The following TSC22D1 variants were observed in gnomAD, a reference collection of about 807,000 sequenced individuals.
TSC22D1 encodes TSC22 domain family protein 1.
In TSC22D1, 9 loss-of-function variants were observed where a neutral mutation model predicts 74.2. The ratio of observed to expected loss-of-function variants is 0.12; its 90% CI spans 0.07 to 0.21. TSC22D1 has a LOEUF of 0.21. Ranked by LOEUF, TSC22D1 falls within the 10% of genes least tolerant of loss-of-function variation. TSC22D1 has a pLI of 1.00. For missense variants in TSC22D1, 1,427 were observed against 1,304.7 expected, an observed-to-expected ratio of 1.09 and a Z score of -1.44; for synonymous variants, 586 against 492.5, an observed-to-expected ratio of 1.19 and a Z score of -2.51.
intron 1 of TSC22D1, among the ~76,000 whole-genome samples, chr13:44,531,201 T>G (rs1395335131): frequency 6.6e-6 from 1 of 152,100 alleles, no homozygotes; most frequent in East Asian, 1.9e-4. Flanking sequence ...CAGGAAACTG[T>G]GGGAGGGAGG....
intron 1 of TSC22D1, among the ~76,000 whole-genome samples, chr13:44,443,319 A>C (rs1163725023): frequency 6.6e-6 from 1 of 152,070 alleles, no homozygotes; most frequent in South Asian, 2.1e-4. Flanking sequence ...GAAAAAAAAA[A>C]ACCTGTCAAT....
chr13:44,468,744 A>G (rs1204022522), intron 1 of TSC22D1, among the ~76,000 whole-genome samples: 1 of 150,086 alleles, frequency 6.7e-6, no homozygotes, highest in African/African-American at 2.4e-5. Flanking sequence ...ACTGGTCTTT[A>G]TATCAAGAAA....
At chr13:44,519,034 G>T (rs1880181897) in intron 1 of TSC22D1, among the ~76,000 whole-genome samples, 1 of 152,138 alleles carries the variant, frequency 6.6e-6, no homozygotes, top group Non-Finnish European at 1.5e-5. Flanking sequence ...TTTTCTTAAG[G>T]TGTTAGAATC....
At chr13:44,555,067 C>T (rs1882539496) in intron 1 of TSC22D1, among the ~76,000 whole-genome samples, 1 of 151,364 alleles carries the variant, frequency 6.6e-6, no homozygotes, top group South Asian at 2.1e-4. Flanking sequence ...TTGTAGATCC[C>T]TAAGGGCTAA....
At chr13:44,565,260 C>G (rs1351542509) in intron 1 of TSC22D1, among the ~76,000 whole-genome samples, 1 of 152,072 alleles carries the variant, frequency 6.6e-6, no homozygotes, top group African/African-American at 2.4e-5. Flanking sequence ...GAAACAGAGT[C>G]TGACAGAAGA....
At position 44,433,713 on chromosome 13, in the gene TSC22D1, G is replaced by C. The variant is rs1036427239; in HGVS notation, c.*913C>G. ...GAGCATTTTTCAAAGTATTCAACCA[G>C]CTCAATTGAAAGACTTCAGTGAACA... On this transcript the variant is annotated 3_prime_UTR_variant, in exon 3 of 3. Transcript: ENST00000458659. 3.3e-5 allele frequency: 15 copies of C among 448,020 alleles called. No individual in the cohort carries two copies. Among genetic ancestry groups the C allele is most frequent in the Admixed American group, 1.3e-4 (3 of 23,230 alleles). The allele number at this position is 448,020 out of a possible 1,614,324, so 27.8% of individuals were successfully genotyped here.
intron 1 of TSC22D1, among the ~76,000 whole-genome samples, chr13:44,510,375 A>AGAGT (rs1879660828): frequency 6.6e-6 from 1 of 152,086 alleles, no homozygotes; most frequent in African/African-American, 2.4e-5. Context: ...AGGAGCAACA[A>AGAGT]GAGTGAAACT....
At position 44,434,189 on chromosome 13, in the gene TSC22D1, T is replaced by G; in HGVS notation, c.*437A>C. 3.4e-6 allele frequency: 5 copies of G among 1,464,774 alleles called. No individual in the cohort carries two copies. Among genetic ancestry groups the G allele is most frequent in the Non-Finnish European group, 4.5e-6 (5 of 1,122,498 alleles). The allele number at this position is 1,464,774 out of a possible 1,614,324, so 90.7% of individuals were successfully genotyped here. A position where few individuals can be genotyped will look rare whatever the true frequency, so the allele number is the denominator to read the frequency against. On this transcript the variant is annotated 3_prime_UTR_variant, in exon 3 of 3. Coordinates refer to ENST00000458659, the MANE Select transcript of TSC22D1 (RefSeq NM_183422.4). ...TAGTCTTTTTACCCTCCTTTCAAGT[T>G]CCTCCTGGGGGGAGGAGAGGAGAGA...
intron 1 of TSC22D1, among the ~76,000 whole-genome samples, chr13:44,440,161 G>A (rs1875071367): frequency 6.6e-6 from 1 of 152,242 alleles, no homozygotes; most frequent in South Asian, 2.1e-4. Context: ...GTGTTTTAGT[G>A]TTGGGTCCCA....
chr13:44,460,124 A>C (rs1287890108), intron 1 of TSC22D1, among the ~76,000 whole-genome samples: 1 of 152,250 alleles, frequency 6.6e-6, no homozygotes, highest in African/African-American at 2.4e-5. Flanking sequence ...TTTAAAAGAG[A>C]TAACACAAGA....
intron 1 of TSC22D1, among the ~76,000 whole-genome samples, chr13:44,469,560 A>G (rs1317142147): frequency 1.3e-5 from 2 of 152,272 alleles, no homozygotes; most frequent in South Asian, 2.1e-4. Context: ...TAGATGTCCA[A>G]TTACTCAAAA....
At chr13:44,528,371 T>C (rs1373923882) in intron 1 of TSC22D1, among the ~76,000 whole-genome samples, 1 of 151,882 alleles carries the variant, frequency 6.6e-6, no homozygotes, top group Non-Finnish European at 1.5e-5. Flanking sequence ...TAAAAATCAA[T>C]AACACATACC....
intron 1 of TSC22D1, among the ~76,000 whole-genome samples, chr13:44,516,592 GA>G (rs368001868): frequency 2.7e-4 from 41 of 150,978 alleles, no homozygotes; most frequent in African/African-American, 7.3e-4. Context: ...TTTATGGGGG[GA>G]AAAAAAAGCA....
chr13:44,573,346 A>T lies in TSC22D1; in HGVS notation c.2729T>A (p.Ile910Asn). 6.2e-7 allele frequency: 1 copy of T among 1,614,248 alleles called. No individual in the cohort carries two copies. Among genetic ancestry groups the T allele is most frequent in the Non-Finnish European group, 8.5e-7 (1 of 1,180,048 alleles). Reference protein sequence around the residue: ...QSLAQAIGSQIEDARRAAEPS... With the variant: ...QSLAQAIGSQNEDARRAAEPS... Reference sequence around the variant, plus strand: ...CTCCGCTGCACGCCTGGCATCTTCAATTTGGCTTCCAATTGCCTGAGCTAA... The same window carrying T: ...CTCCGCTGCACGCCTGGCATCTTCATTTTGGCTTCCAATTGCCTGAGCTAA... Residue 910 changes from isoleucine to asparagine, a missense_variant, in exon 1 of 3, where the codon ATT becomes AAT. Ile to Asn is a moderately radical substitution (Grantham distance 149). Coordinates refer to ENST00000458659, the MANE Select transcript of TSC22D1 (RefSeq NM_183422.4).
intron 1 of TSC22D1, among the ~76,000 whole-genome samples, chr13:44,465,529 C>T (rs1398686874): frequency 6.6e-6 from 1 of 152,146 alleles, no homozygotes; most frequent in Non-Finnish European, 1.5e-5. Context: ...GAGTCAGCTG[C>T]CACAGGTGAT....
At chr13:44,556,374 G>A (rs1010556056) in intron 1 of TSC22D1, among the ~76,000 whole-genome samples, 3 of 151,454 alleles carry the variant, frequency 2.0e-5, no homozygotes, top group Non-Finnish European at 2.9e-5. Context: ...GTGAAACCCC[G>A]TCTCTTAAAA....
intron 1 of TSC22D1, among the ~76,000 whole-genome samples, chr13:44,482,618 C>A (rs200049224): frequency 6.6e-6 from 1 of 152,214 alleles, no homozygotes; most frequent in Admixed American, 6.5e-5. Flanking sequence ...AGAGCTGAGA[C>A]TGAAGACTCA....
chr13:44,456,065 G>C (rs528030323), intron 1 of TSC22D1, among the ~76,000 whole-genome samples: 1 of 152,176 alleles, frequency 6.6e-6, no homozygotes, highest in African/African-American at 2.4e-5. Context: ...CTGAGCAATT[G>C]TATCTGGAAT....
intron 1 of TSC22D1, among the ~76,000 whole-genome samples, chr13:44,530,199 G>A (rs1880755590): frequency 6.6e-6 from 1 of 152,066 alleles, no homozygotes. Flanking sequence ...TATGATATTG[G>A]CAAAGAAAAG....
Sources: gnomAD v4.1 joint callset for allele counts (sites outside exome capture counted in the v4.1 genomes callset) on GRCh38, gnomAD v4.1.1 for gene constraint, MANE v1.5 for transcripts, NCBI Gene and HGNC (gene_info 2026-07-23, HGNC 2026-07-21) for gene names.